Variants in GAB2 observed in about 807,000 individuals in gnomAD.
The protein encoded by GAB2 is GRB2 associated binding protein 2.
A neutral mutation model predicts 65.5 loss-of-function variants in GAB2; 26 were observed. That is an observed-to-expected ratio of 0.40 (90% CI 0.29 to 0.55). The LOEUF is 0.55. GAB2 is among the 20% of genes least tolerant of loss of function. The pLI, the probability that GAB2 is intolerant of heterozygous loss-of-function variation, is 0.53. For missense variants in GAB2, 884 were observed against 875.8 expected (o/e 1.01, Z -0.12); for synonymous variants, 321 against 329.6 (o/e 0.97, Z 0.28).
chr11:78,412,138 C>CA (rs199965865), intron 1 of GAB2, among the ~76,000 whole-genome samples: 2,942 of 139,940 alleles, frequency 0.021, 84 homozygotes, highest in African/African-American at 0.067. Flanking sequence ...AACTCCATCT[C>CA]AAAAAAAAAA....
intron 1 of GAB2, among the ~76,000 whole-genome samples, chr11:78,349,482 T>C (rs947209453): frequency 5.9e-5 from 9 of 152,300 alleles, no homozygotes; most frequent in African/African-American, 2.2e-4. Flanking sequence ...GTCACCCCGA[T>C]GGTAAATGGT....
chr11:78,244,559 TCAAA>T (rs1286650109), intron 3 of GAB2, among the ~76,000 whole-genome samples: 1 of 143,254 alleles, frequency 7.0e-6, no homozygotes, highest in African/African-American at 2.6e-5. Flanking sequence ...TACAAGGAAC[TCAAA>T]CAACTCAACA....
chr11:78,226,606 GGGGGC>G lies in GAB2; in HGVS notation c.1061_1065del (p.Arg354ProfsTer22). On this transcript the variant is annotated frameshift_variant, in exon 4 of 10. Coordinates refer to ENST00000361507, the MANE Select transcript of GAB2 (RefSeq NM_080491.3). LOFTEE classifies it high-confidence loss of function. Reference sequence around the variant, plus strand: ...GGTGTTTCTGCCTGACTTGGCTTGGGGGGGCGGGGTGGGGGAGCTATGGCTGAGTC... The same window carrying G: ...GGTGTTTCTGCCTGACTTGGCTTGGGGGGGTGGGGGAGCTATGGCTGAGTC... 6.2e-7 allele frequency: 1 copy of G among 1,612,634 alleles called. No individual in the cohort carries two copies. The highest frequency in any genetic ancestry group is 8.5e-7 in the Non-Finnish European group (1 of 1,178,758).
At chr11:78,263,635 G>GGA (rs1865796062) in intron 2 of GAB2, among the ~76,000 whole-genome samples, 1 of 106,946 alleles carries the variant, frequency 9.4e-6, no homozygotes, top group African/African-American at 4.5e-5. Flanking sequence ...TCTGTCTGGG[G>GGA]GAAAAAAAAA....
intron 3 of GAB2, among the ~76,000 whole-genome samples, chr11:78,228,580 GA>G (rs1864754321): frequency 6.6e-6 from 1 of 152,200 alleles, no homozygotes; most frequent in South Asian, 2.1e-4. Context: ...GATGGTGTTA[GA>G]AAATAGGGGC....
chr11:78,400,450 G>A (rs1280042478), intron 1 of GAB2, among the ~76,000 whole-genome samples: 2 of 152,188 alleles, frequency 1.3e-5, no homozygotes, highest in African/African-American at 2.4e-5. Flanking sequence ...CTTGGGAAGG[G>A]AAAGGATACA....
At chr11:78,307,536 T>C (rs559845411) in intron 1 of GAB2, among the ~76,000 whole-genome samples, 1 of 150,388 alleles carries the variant, frequency 6.6e-6, no homozygotes, top group African/African-American at 2.5e-5. Context: ...GATAGGAGGA[T>C]CTCTTGAGCC....
Position 78,253,348 on chromosome 11 carries a change from A to G in GAB2, c.377-2948T>C, listed in dbSNP as rs183574374. On this transcript the variant is annotated intron_variant, in intron 2 of 9. Transcript: ENST00000361507. ...GCTCTGTTGCTCAGGCTGGAGTGCC[A>G]TGGTGCAATCATAGCTCACTATAAC... Among the ~76,000 whole-genome samples, 609 of 152,196 alleles carry G rather than the reference A, an allele frequency of 4.0e-3. 10 individuals are homozygous for G. Among genetic ancestry groups the G allele is most frequent in the Non-Finnish European group, 8.7e-4 (59 of 67,988 alleles).
chr11:78,319,993 AGC>A (rs1185576168), intron 1 of GAB2, among the ~76,000 whole-genome samples: 2 of 151,712 alleles, frequency 1.3e-5, no homozygotes, highest in Non-Finnish European at 2.9e-5. Flanking sequence ...CTCCTGCCTC[AGC>A]CTCCTGAGTA....
At chr11:78,386,702 G>A (rs1288513570) in intron 1 of GAB2, among the ~76,000 whole-genome samples, 11 of 152,212 alleles carry the variant, frequency 7.2e-5, no homozygotes, top group Non-Finnish European at 1.6e-4. Context: ...TAGCCTTGGT[G>A]CACAGCTAAT....
At chr11:78,301,169 T>C (rs1356769214) in intron 1 of GAB2, among the ~76,000 whole-genome samples, 7 of 152,166 alleles carry the variant, frequency 4.6e-5, no homozygotes, top group African/African-American at 1.2e-4. Flanking sequence ...CTGGATGCAG[T>C]TGTCAGACAG....
chr11:78,248,647 C>T (rs1358084386), intron 3 of GAB2, among the ~76,000 whole-genome samples: 2 of 152,194 alleles, frequency 1.3e-5, no homozygotes, highest in Non-Finnish European at 2.9e-5. Context: ...CTCTCTACTA[C>T]TATTTTATGT....
chr11:78,405,378 C>T (rs1228007492), intron 1 of GAB2, among the ~76,000 whole-genome samples: 5 of 152,082 alleles, frequency 3.3e-5, no homozygotes, highest in Admixed American at 1.3e-4. Flanking sequence ...GGATTATAGG[C>T]GTGAGCCACC....
chr11:78,411,432 C>G (rs539498117), intron 1 of GAB2, among the ~76,000 whole-genome samples: 1 of 152,176 alleles, frequency 6.6e-6, no homozygotes, highest in African/African-American at 2.4e-5. Flanking sequence ...GTAGAGGAAT[C>G]AGGCTACCAG....
At chr11:78,282,288 T>C (rs1322212672) in intron 1 of GAB2, among the ~76,000 whole-genome samples, 2 of 151,928 alleles carry the variant, frequency 1.3e-5, no homozygotes, top group Non-Finnish European at 2.9e-5. Context: ...GTCTATGCTT[T>C]ACCATTGACT....
chr11:78,326,263 A>T (rs550751637), intron 1 of GAB2, among the ~76,000 whole-genome samples: 1 of 152,244 alleles, frequency 6.6e-6, no homozygotes, highest in Admixed American at 6.5e-5. Flanking sequence ...TTATTTTTAC[A>T]TAAGTGTCTC....
At chr11:78,292,717 G>C (rs1027212780) in intron 1 of GAB2, among the ~76,000 whole-genome samples, 1 of 152,180 alleles carries the variant, frequency 6.6e-6, no homozygotes, top group African/African-American at 2.4e-5. Context: ...GCGAGGAAAG[G>C]CTTTTTGCTA....
intron 3 of GAB2, among the ~76,000 whole-genome samples, chr11:78,246,151 C>T (rs569739683): frequency 3.7e-4 from 56 of 151,738 alleles, no homozygotes; most frequent in African/African-American, 1.2e-3. Flanking sequence ...AGGCTGGTCT[C>T]GAACTCCTGA....
intron 1 of GAB2, among the ~76,000 whole-genome samples, chr11:78,384,694 C>T (rs956510400): frequency 1.3e-5 from 2 of 152,110 alleles, no homozygotes; most frequent in African/African-American, 4.8e-5. Flanking sequence ...CAAGTGGAAG[C>T]CAGCAGAGCT....
Sources: allele counts gnomAD v4.1 joint callset (sites outside exome capture counted in the v4.1 genomes callset), GRCh38; gene constraint gnomAD v4.1.1; transcripts MANE v1.5; gene names NCBI Gene and HGNC (gene_info 2026-07-23, HGNC 2026-07-21).